The following CHMP7 variants were observed in gnomAD, a reference collection of about 807,000 sequenced individuals.
CHMP7 encodes charged multivesicular body protein 7.
In CHMP7, 15 loss-of-function variants were observed where a neutral mutation model predicts 53.7. That is an observed-to-expected ratio of 0.28 (90% CI 0.19 to 0.43). CHMP7 has a LOEUF of 0.43. CHMP7 is among the 20% of genes least tolerant of loss of function. CHMP7 has a pLI of 1.00. For synonymous variants in CHMP7, 261 were observed against 228.0 expected (o/e 1.14, Z -1.30); for missense variants, 527 against 569.4 (o/e 0.93, Z 0.76).
At chr8:23,256,035 C>G (rs1428613981) in intron 4 of CHMP7, among the ~76,000 whole-genome samples, 2 of 152,088 alleles carry the variant, frequency 1.3e-5, no homozygotes, top group African/African-American at 4.8e-5. Context: ...GCTAGGATTA[C>G]AGGTGTAAAC....
At chr8:23,250,637 TG>T (rs1801888295) in intron 3 of CHMP7, among the ~76,000 whole-genome samples, 1 of 132,048 alleles carries the variant, frequency 7.6e-6, no homozygotes, top group Admixed American at 7.3e-5. Context: ...TGTGTGTGTG[TG>T]TGTGTGTGTG....
intron 5 of CHMP7, among the ~76,000 whole-genome samples, chr8:23,257,038 C>T (rs374705650): frequency 4.6e-5 from 7 of 151,414 alleles, no homozygotes; most frequent in Non-Finnish European, 8.8e-5. Context: ...GTGATCCGCC[C>T]GCCTCTGCCT....
rs753125238 is a variant in CHMP7, at chr8:23,260,645, C to G, written c.*46C>G. ...TCATGTAAAAGAGAGACCAGGCTTG[C>G]TGGGTGTGTACATAGTTATTTAAAC... On this transcript the variant is annotated 3_prime_UTR_variant, in exon 11 of 11. Coordinates refer to ENST00000397677, the MANE Select transcript of CHMP7 (RefSeq NM_152272.5). The G allele has an allele frequency of 7.2e-7, 1 of 1,383,972 alleles. No homozygotes were observed. Among genetic ancestry groups the G allele is most frequent in the Non-Finnish European group, 1.0e-6 (1 of 968,620 alleles). The allele number at this position is 1,383,972 out of a possible 1,614,324, so 85.7% of individuals were successfully genotyped here.
rs1802128529 is a variant in CHMP7, at chr8:23,256,442, T to C, written c.658-18T>C. ...GCCTTTGTGGTAGCAGCAGTAGTAA[T>C]TTCTCCCTGTCCCTCAGATTGTGAA... is the stretch of plus-strand genomic sequence containing the variant. On this transcript the variant is annotated intron_variant, in intron 4 of 10. Coordinates refer to ENST00000397677, the MANE Select transcript of CHMP7 (RefSeq NM_152272.5). 6.3e-7 allele frequency: 1 copy of C among 1,588,230 alleles called. No individual in the cohort carries two copies. The highest frequency in any genetic ancestry group is 8.6e-7 in the Non-Finnish European group (1 of 1,156,708).
intron 3 of CHMP7, 55 bp from the exon 4 acceptor site, chr8:23,255,192 C>G: frequency 1.3e-6 from 2 of 1,585,092 alleles, no homozygotes; most frequent in Non-Finnish European, 1.7e-6. Flanking sequence ...GGTCAGGGTC[C>G]CTGCATCCCA....
chr8:23,244,388 C>T (rs1043037162), intron 1 of CHMP7, among the ~76,000 whole-genome samples: 2 of 152,256 alleles, frequency 1.3e-5, no homozygotes, highest in African/African-American at 4.8e-5. Flanking sequence ...TTCCAGTGCT[C>T]ATTGTTGAAA....
intron 1 of CHMP7, chr8:23,245,965 TTA>T (rs1801668948): frequency 6.6e-6 from 1 of 152,240 alleles, no homozygotes; most frequent in Non-Finnish European, 1.5e-5. Context: ...GTAATGTCCC[TTA>T]TTTCATTTCT....
Position 23,258,061 on chromosome 8 carries a change from C to G in CHMP7, c.820C>G (p.Arg274Gly). 4 of 1,613,346 alleles carry G rather than the reference C, an allele frequency of 2.5e-6. No homozygotes were observed. The highest frequency in any genetic ancestry group is 3.4e-6 in the Non-Finnish European group (4 of 1,179,426). The change falls in exon 6 of 11, where the codon CGA (arginine) becomes GGA (glycine). Residue 274 changes from arginine (R) to glycine (G), a missense_variant. Arg to Gly is a moderately radical substitution (Grantham distance 125). Coordinates refer to ENST00000397677, the MANE Select transcript of CHMP7 (RefSeq NM_152272.5). ...TAAAGAAGAAGCCCGCCGGGCATGC[C>G]GAGCAGGAAAGAAGCAGCTGGTGAG... ...RCKEEARRAC[R>G]AGKKQLALRS...
At chr8:23,245,723 T>C (rs1801663211) in intron 1 of CHMP7, among the ~76,000 whole-genome samples, 1 of 152,202 alleles carries the variant, frequency 6.6e-6, no homozygotes, top group Non-Finnish European at 1.5e-5. Flanking sequence ...AAATATTTGG[T>C]AGAACTTATC....
At chr8:23,259,917 A>C in intron 9 of CHMP7, 1 of 496,532 alleles carries the variant, frequency 2.0e-6, no homozygotes, top group African/African-American at 1.9e-5. Flanking sequence ...AATCAGGGTC[A>C]GGTCCATGGT....
At chr8:23,260,401 A>ACTC in intron 10 of CHMP7, 78 bp downstream of exon 10, 1 of 1,567,818 alleles carries the variant, frequency 6.4e-7, no homozygotes, top group Non-Finnish European at 8.8e-7. Context: ...AAGCCCAATT[A>ACTC]CTCCATTTGC....
In CHMP7 at chr8:23,246,546, G is replaced by C. The variant is rs1223571095; in HGVS notation, c.-150G>C. 1.5e-6 allele frequency: 1 copy of C among 659,892 alleles called. No homozygotes were observed. The highest frequency in any genetic ancestry group is 1.8e-5 in the African/African-American group (1 of 55,040). 40.9% of individuals were successfully genotyped at this position (659,892 alleles called of 1,614,324 possible). A position where few individuals can be genotyped will look rare whatever the true frequency, so the allele number is the denominator to read the frequency against. On this transcript the variant is annotated 5_prime_UTR_variant, in exon 2 of 11. Transcript: ENST00000397677. ...GAGCGCAGCGCAACGCATGCGCCTT[G>C]AAGACTTATGGAACTTATTTCACGC...
chr8:23,246,086 T>C (rs1178494619), intron 1 of CHMP7, 170 bp from the exon 2 acceptor site: 1 of 152,292 alleles, frequency 6.6e-6, no homozygotes, highest in South Asian at 2.1e-4. Context: ...CTTTTGAGTT[T>C]GTTTTCAATT....
intron 5 of CHMP7, 65 bp from the exon 6 acceptor site, chr8:23,257,968 A>T: frequency 9.4e-7 from 1 of 1,068,144 alleles, no homozygotes; most frequent in Admixed American, 2.0e-5. Context: ...GCTCTCAGGG[A>T]CCCTTTGGGA....
chr8:23,259,161 CAT>C (rs1491436539), intron 9 of CHMP7, 35 bp downstream of exon 9: 9,230 of 508,526 alleles, frequency 0.018, 207 homozygotes, highest in South Asian at 0.022. Flanking sequence ...TATTTTTATT[CAT>C]TTTTTTTTTT....
chr8:23,259,264 G>T (rs1290006316), intron 9 of CHMP7, 138 bp downstream of exon 9: 1 of 493,770 alleles, frequency 2.0e-6, no homozygotes, highest in Non-Finnish European at 3.6e-6. Flanking sequence ...CGCCTCCCGG[G>T]TTCACGCCAT....
In CHMP7 at chr8:23,260,256, G is replaced by C. The variant is rs1468487545; in HGVS notation, c.1233G>C (p.Val411=). ...GCAATAGGCATTTTACCAACAGCGT[G>C]CCTAACCCTAGGATCTCAGATGCTG... ...NPRNRHFTNS[V]PNPRISDAEL... is the part of the protein sequence containing the mutation. The change falls in exon 10 of 11, where the codon GTG becomes GTC. Residue 411 remains valine (V), a synonymous_variant. Transcript: ENST00000397677. 6.2e-7 allele frequency: 1 copy of C among 1,614,050 alleles called. No individual in the cohort carries two copies. Among genetic ancestry groups the C allele is most frequent in the African/African-American group, 1.3e-5 (1 of 74,926 alleles).
intron 8 of CHMP7, 86 bp downstream of exon 8, chr8:23,258,916 A>C (rs4478582): frequency 0.35 from 391,042 of 1,116,090 alleles, 72,855 homozygotes; most frequent in East Asian, 0.6. Context: ...CTTTAACGAA[A>C]CCTGACTTGT....
At chr8:23,244,342 G>A (rs1003467873) in intron 1 of CHMP7, among the ~76,000 whole-genome samples, 2 of 152,084 alleles carry the variant, frequency 1.3e-5, no homozygotes, top group African/African-American at 2.4e-5. Context: ...TCTGTACCTG[G>A]ATTTGTTTTT....
Sources: gnomAD v4.1 joint callset for allele counts (sites outside exome capture counted in the v4.1 genomes callset) on GRCh38, gnomAD v4.1.1 for gene constraint, MANE v1.5 for transcripts, NCBI Gene and HGNC (gene_info 2026-07-23, HGNC 2026-07-21) for gene names.